The following FXN variants were observed in gnomAD, a reference collection of about 807,000 sequenced individuals.
The protein encoded by FXN is frataxin, also known as frataxin, mitochondrial.
FXN carries 14 observed loss-of-function variants against 22.4 expected under a neutral mutation model. The observed-to-expected ratio is 0.62, with a 90% CI of 0.41 to 0.98. FXN has a LOEUF of 0.98. Ranked by LOEUF, FXN falls within the 50% of genes least tolerant of loss-of-function variation. FXN has a pLI of 0.00. For missense variants in FXN, 267 were observed against 268.4 expected, an observed-to-expected ratio of 0.99 and a Z score of 0.04; for synonymous variants, 120 against 114.1, an observed-to-expected ratio of 1.05 and a Z score of -0.33.
At position 69,075,392 on chromosome 9, in the gene FXN, G is replaced by T. The variant is rs1203167252; in HGVS notation, c.*2630G>T. ...GGAGAATCGCTGTAACCTGGGGGGT[G>T]GAGGTTGCAGTGAGACGAGATCATG... On this transcript the variant is annotated 3_prime_UTR_variant, in exon 5 of 5. Transcript: ENST00000484259. 2 of 729,420 alleles carry T rather than the reference G, an allele frequency of 2.7e-6. No individual in the cohort carries two copies. Among genetic ancestry groups the T allele is most frequent in the Non-Finnish European group, 3.3e-6 (2 of 597,226 alleles). The allele number at this position is 729,420 out of a possible 1,614,324, so 45.2% of individuals were successfully genotyped here. A position where few individuals can be genotyped will look rare whatever the true frequency, so the allele number is the denominator to read the frequency against.
chr9:69,036,337 A>G (rs182802845), intron 1 of FXN: 2 of 157,936 alleles, frequency 1.3e-5, no homozygotes, highest in East Asian at 1.9e-4. Context: ...TAGTATATAC[A>G]TACACATAAT....
At chr9:69,068,098 G>A (rs1832206088) in intron 4 of FXN, among the ~76,000 whole-genome samples, 1 of 152,202 alleles carries the variant, frequency 6.6e-6, no homozygotes, top group Non-Finnish European at 1.5e-5. Flanking sequence ...TGCAGCAGAA[G>A]GAAGCTTGAA....
At chr9:69,042,263 A>T (rs187987913) in intron 1 of FXN, among the ~76,000 whole-genome samples, 1 of 149,866 alleles carries the variant, frequency 6.7e-6, no homozygotes, top group Admixed American at 6.7e-5. Context: ...AAGGAAGAAC[A>T]CTCATCCTAT....
intron 4 of FXN, among the ~76,000 whole-genome samples, chr9:69,066,036 T>C (rs894514937): frequency 4.6e-5 from 7 of 152,202 alleles, no homozygotes; most frequent in African/African-American, 1.7e-4. Flanking sequence ...GGAGACACAA[T>C]GTGGCCTGCA....
At position 69,075,276 on chromosome 9, in the gene FXN, G is replaced by A. The variant is rs896950328; in HGVS notation, c.*2514G>A. On this transcript the variant is annotated 3_prime_UTR_variant, in exon 5 of 5. Coordinates refer to ENST00000484259, the MANE Select transcript of FXN (RefSeq NM_000144.5). ...AGTTCAAGACCAGCCTGGCCAACATGGCAAAATCCCGTCTCTACTAAAAAT... is the reference window on the plus strand; with the variant it reads ...AGTTCAAGACCAGCCTGGCCAACATAGCAAAATCCCGTCTCTACTAAAAAT... The A allele has an allele frequency of 4.1e-5, 28 of 680,598 alleles. No individual in the cohort carries two copies. Among genetic ancestry groups the A allele is most frequent in the Non-Finnish European group, 5.1e-5 (28 of 552,500 alleles). 42.2% of individuals were successfully genotyped at this position (680,598 alleles called of 1,614,324 possible).
intron 1 of FXN, among the ~76,000 whole-genome samples, chr9:69,045,100 G>A (rs1831723861): frequency 6.6e-6 from 1 of 152,146 alleles, no homozygotes; most frequent in Non-Finnish European, 1.5e-5. Context: ...TGCACCACTA[G>A]CCACATGTGG....
Position 69,076,428 on chromosome 9 carries a change from T to A in FXN, c.*3666T>A. ...CCTTGAACTTAATCAAAATACTCAG[T>A]TTACTTAACTTCGTATTAGATTCTG... On this transcript the variant is annotated 3_prime_UTR_variant, in exon 5 of 5. Coordinates refer to ENST00000484259, the MANE Select transcript of FXN (RefSeq NM_000144.5). 1 of 985,406 alleles carries A rather than the reference T, an allele frequency of 1.0e-6. No individual in the cohort carries two copies. The highest frequency in any genetic ancestry group is 4.7e-5 in the South Asian group (1 of 21,276). The allele number at this position is 985,406 out of a possible 1,614,324, so 61.0% of individuals were successfully genotyped here.
At position 69,076,416 on chromosome 9, in the gene FXN, C is replaced by T. The variant is rs1297565958; in HGVS notation, c.*3654C>T. The T allele has an allele frequency of 2.0e-6, 2 of 985,258 alleles. No homozygotes were observed. The highest frequency in any genetic ancestry group is 2.4e-6 in the Non-Finnish European group (2 of 829,906). 61.0% of individuals were successfully genotyped at this position (985,258 alleles called of 1,614,324 possible). A position where few individuals can be genotyped will look rare whatever the true frequency, so the allele number is the denominator to read the frequency against. ...TTCCCTACTCAACCTTGAACTTAAT[C>T]AAAATACTCAGTTTACTTAACTTCG... is the stretch of plus-strand genomic sequence containing the variant. On this transcript the variant is annotated 3_prime_UTR_variant, in exon 5 of 5. Coordinates refer to ENST00000484259, the MANE Select transcript of FXN (RefSeq NM_000144.5).
chr9:69,064,942 G>T lies in FXN; in HGVS notation c.389G>T (p.Gly130Val), dbSNP rs104894107. ...FEDYDVSFGS[G>V]VLTVKLGGDL... ...TTTTTCCACCTAATCCCCTAGAGTGGTGTCTTAACTGTCAAACTGGGTGGA... is the reference window on the plus strand; with the variant it reads ...TTTTTCCACCTAATCCCCTAGAGTGTTGTCTTAACTGTCAAACTGGGTGGA... Residue 130 changes from glycine (G) to valine (V), a missense_variant, in exon 4 of 5, where the codon GGT becomes GTT. Transcript: ENST00000484259. The T allele has an allele frequency of 4.2e-5, 67 of 1,606,160 alleles. No individual in the cohort carries two copies. Among genetic ancestry groups the T allele is most frequent in the Non-Finnish European group, 5.3e-5 (62 of 1,172,912 alleles).
In FXN at chr9:69,073,643, A is replaced by T; in HGVS notation, c.*881A>T. 2.0e-6 allele frequency: 2 copies of T among 985,348 alleles called. No individual in the cohort carries two copies. The highest frequency in any genetic ancestry group is 2.4e-6 in the Non-Finnish European group (2 of 829,930). 61.0% of individuals were successfully genotyped at this position (985,348 alleles called of 1,614,324 possible). On this transcript the variant is annotated 3_prime_UTR_variant, in exon 5 of 5. Coordinates refer to ENST00000484259, the MANE Select transcript of FXN (RefSeq NM_000144.5). ...TGGTCCTAGACATAGTTCAGCCACAAAGTAGTTGTCCCTTTGTGGACAAGT... is the reference window on the plus strand; with the variant it reads ...TGGTCCTAGACATAGTTCAGCCACATAGTAGTTGTCCCTTTGTGGACAAGT...
rs969560796 is a variant in FXN at position 69,035,942 on chromosome 9, C to T, written c.160C>T (p.Arg54Cys). Reference protein sequence around the residue: ...TDIDATCTPRRASSNQRGLNQ... With the variant: ...TDIDATCTPRCASSNQRGLNQ... ...CATCGATGCGACCTGCACGCCCCGC[C>T]GCGCAGTAAGTATCCGCGCCGGGAA... Residue 54 changes from arginine (R) to cysteine (C), a missense_variant, in exon 1 of 5, where the codon CGC becomes TGC. By Grantham distance (180) the Arg-to-Cys change is radical (BLOSUM62 -3). Coordinates refer to ENST00000484259, the MANE Select transcript of FXN (RefSeq NM_000144.5). 3.4e-6 allele frequency: 5 copies of T among 1,468,400 alleles called. No individual in the cohort carries two copies. Among genetic ancestry groups the T allele is most frequent in the East Asian group, 5.9e-5 (2 of 33,744 alleles). The allele number at this position is 1,468,400 out of a possible 1,614,324, so 91.0% of individuals were successfully genotyped here.
chr9:69,049,650 T>C (rs901007873), intron 2 of FXN, among the ~76,000 whole-genome samples: 7 of 152,328 alleles, frequency 4.6e-5, no homozygotes, highest in African/African-American at 1.4e-4. Flanking sequence ...TTTATTGTTA[T>C]AATTTACATG....
chr9:69,043,233 T>A (rs1390101969), intron 1 of FXN, among the ~76,000 whole-genome samples: 4 of 152,212 alleles, frequency 2.6e-5, no homozygotes, highest in Non-Finnish European at 5.9e-5. Flanking sequence ...CACAGTCTGA[T>A]TAGTGCCATG....
rs992332123 is a variant in FXN at position 69,035,936 on chromosome 9, C to T, written c.154C>T (p.Pro52Ser). The change falls in exon 1 of 5, where the codon CCC becomes TCC. Residue 52 changes from proline (P) to serine (S), a missense_variant. Transcript: ENST00000484259. ...LRTDIDATCT[P>S]RRASSNQRGL... The stretch of plus-strand genomic sequence containing the variant: ...CACCGACATCGATGCGACCTGCACG[C>T]CCCGCCGCGCAGTAAGTATCCGCGC... The T allele has an allele frequency of 6.8e-7, 1 of 1,470,668 alleles. No individual in the cohort carries two copies. Among genetic ancestry groups the T allele is most frequent in the South Asian group, 1.3e-5 (1 of 77,894 alleles). 91.1% of individuals were successfully genotyped at this position (1,470,668 alleles called of 1,614,324 possible). A position where few individuals can be genotyped will look rare whatever the true frequency, so the allele number is the denominator to read the frequency against.
chr9:69,051,862 T>C (rs1339044966), intron 2 of FXN, among the ~76,000 whole-genome samples: 2 of 152,224 alleles, frequency 1.3e-5, no homozygotes, highest in African/African-American at 4.8e-5. Flanking sequence ...TGGGGTTTTC[T>C]TTGAGACGGA....
In FXN at chr9:69,074,738, A is replaced by G; in HGVS notation, c.*1976A>G. On this transcript the variant is annotated 3_prime_UTR_variant, in exon 5 of 5. Coordinates refer to ENST00000484259, the MANE Select transcript of FXN (RefSeq NM_000144.5). ...AACACAGCAAGATCCTATCTCTTAA[A>G]AAAAGAAAAAAAAACCTATTAATAA... The G allele has an allele frequency of 5.7e-6, 5 of 869,878 alleles. No homozygotes were observed. Among genetic ancestry groups the G allele is most frequent in the Non-Finnish European group, 6.7e-6 (5 of 741,184 alleles). 53.9% of individuals were successfully genotyped at this position (869,878 alleles called of 1,614,324 possible).
At chr9:69,071,344 T>G in intron 4 of FXN, 1 of 515,876 alleles carries the variant, frequency 1.9e-6, no homozygotes, top group Admixed American at 1.9e-5. Context: ...CTTGATACTT[T>G]TATTGCCCAA....
rs1832391211 is a variant in FXN at position 69,077,467 on chromosome 9, T to G, written c.*4705T>G. 1 of 985,316 alleles carries G rather than the reference T, an allele frequency of 1.0e-6. No individual in the cohort carries two copies. Among genetic ancestry groups the G allele is most frequent in the African/African-American group, 1.7e-5 (1 of 57,248 alleles). 61.0% of individuals were successfully genotyped at this position (985,316 alleles called of 1,614,324 possible). A position where few individuals can be genotyped will look rare whatever the true frequency, so the allele number is the denominator to read the frequency against. On this transcript the variant is annotated 3_prime_UTR_variant, in exon 5 of 5. Transcript: ENST00000484259. The stretch of plus-strand genomic sequence containing the variant: ...TTTATTTAGACAGTTGAGGAAAACA[T>G]CAGCACCCAGCAGTAAAATTGGCTC...
At chr9:69,070,717 A>T (rs1389827264) in intron 4 of FXN, among the ~76,000 whole-genome samples, 1 of 151,768 alleles carries the variant, frequency 6.6e-6, no homozygotes, top group Non-Finnish European at 1.5e-5. Context: ...TGTTTAATAT[A>T]AAAAAAATTT....
Sources: allele counts gnomAD v4.1 joint callset (sites outside exome capture counted in the v4.1 genomes callset), GRCh38; gene constraint gnomAD v4.1.1; transcripts MANE v1.5; gene names NCBI Gene and HGNC (gene_info 2026-07-23, HGNC 2026-07-21).